PTPRG: variants seen among roughly 807,000 people sequenced by gnomAD.
PTPRG encodes the protein protein tyrosine phosphatase receptor type G, also known as receptor-type tyrosine-protein phosphatase gamma.
A neutral mutation model predicts 165.3 loss-of-function variants in PTPRG; 102 were observed. That is an observed-to-expected ratio of 0.62 (90% CI 0.53 to 0.73). The LOEUF is 0.73. PTPRG is among the 30% of genes least tolerant of loss of function. The pLI, the probability that PTPRG is intolerant of heterozygous loss-of-function variation, is 0.00. For synonymous variants in PTPRG, 675 were observed against 669.5 expected, an observed-to-expected ratio of 1.01 and a Z score of -0.13; for missense variants, 1,866 against 1,861.4, an observed-to-expected ratio of 1.00 and a Z score of -0.05.
intron 17 of PTPRG, among the ~76,000 whole-genome samples, chr3:62,266,838 TGCATCACCTACC>T (rs879464821): frequency 1.0e-3 from 154 of 148,432 alleles, no homozygotes; most frequent in Non-Finnish European, 1.7e-3. Flanking sequence ...ACACATGTCA[TGCATCACCTACC>T]CCCAACTTTT....
At chr3:61,872,121 T>C (rs1559660886) in intron 2 of PTPRG, among the ~76,000 whole-genome samples, 1 of 152,226 alleles carries the variant, frequency 6.6e-6, no homozygotes, top group Non-Finnish European at 1.5e-5. Context: ...TGGAAAGGAT[T>C]GGGCCAAATA....
chr3:62,256,508 A>G (rs1489578738), intron 16 of PTPRG, among the ~76,000 whole-genome samples: 3 of 152,208 alleles, frequency 2.0e-5, no homozygotes, highest in African/African-American at 7.2e-5. Context: ...TAATGCTATT[A>G]GATGCTTACT....
At chr3:62,274,111 T>C (rs73840295) in intron 23 of PTPRG, among the ~76,000 whole-genome samples, 2,071 of 152,256 alleles carry the variant, frequency 0.014, 46 homozygotes, top group African/African-American at 0.047. Context: ...CTGGCCATAA[T>C]GACATAGTAC....
chr3:61,804,394 CT>C (rs2035346888), intron 2 of PTPRG, among the ~76,000 whole-genome samples: 1 of 152,176 alleles, frequency 6.6e-6, no homozygotes. Context: ...TAACCAATTT[CT>C]TTGTAAAGGG....
chr3:61,954,666 G>C (rs2039993240), intron 2 of PTPRG, among the ~76,000 whole-genome samples: 2 of 152,282 alleles, frequency 1.3e-5, no homozygotes, highest in South Asian at 4.1e-4. Context: ...AGATTTGTCA[G>C]ACACTGACAC....
At chr3:62,285,136 A>G (rs1339011008) in intron 28 of PTPRG, among the ~76,000 whole-genome samples, 1 of 152,026 alleles carries the variant, frequency 6.6e-6, no homozygotes, top group Non-Finnish European at 1.5e-5. Flanking sequence ...AGCAATGGTA[A>G]TTTATTCATC....
intron 1 of PTPRG, among the ~76,000 whole-genome samples, chr3:61,687,703 C>T (rs976893128): frequency 2.0e-5 from 3 of 152,172 alleles, no homozygotes; most frequent in Admixed American, 6.5e-5. Flanking sequence ...TTTTTATTAA[C>T]ACATTAGACA....
rs11348108 is a variant in PTPRG, at chr3:61,643,763, CAA to C, written c.85+81401_85+81402del. Among the ~76,000 whole-genome samples, 486 of 140,478 alleles carry C rather than the reference CAA, an allele frequency of 3.5e-3. 2 individuals carry two copies. The highest frequency in any genetic ancestry group is 0.011 in the Middle Eastern group (3 of 264). 92.2% of individuals were successfully genotyped at this position (140,478 alleles called of 152,430 possible). On this transcript the variant is annotated intron_variant, in intron 1 of 29. Transcript: ENST00000474889. The stretch of plus-strand genomic sequence containing the variant: ...TGGGTAACAGAATGAGACTCTGTCT[CAA>C]AAAAAAAAACAAAAAAGCACCCACT...
chr3:62,112,054 G>A (rs1309400723), intron 5 of PTPRG, among the ~76,000 whole-genome samples: 1 of 152,080 alleles, frequency 6.6e-6, no homozygotes, highest in Non-Finnish European at 1.5e-5. Flanking sequence ...GGTTGTACCA[G>A]AAACACCATG....
intron 1 of PTPRG, among the ~76,000 whole-genome samples, chr3:61,574,047 CTT>C (rs998883807): frequency 3.0e-4 from 44 of 148,734 alleles, no homozygotes; most frequent in East Asian, 2.2e-3. Context: ...TTTTTCCTCT[CTT>C]GTGGAATAAT....
intron 14 of PTPRG, among the ~76,000 whole-genome samples, chr3:62,235,186 G>T (rs1219902075): frequency 6.6e-6 from 1 of 152,134 alleles, no homozygotes; most frequent in South Asian, 2.1e-4. Context: ...AAATGAGTTG[G>T]ACTATCACAT....
At chr3:61,676,891 GGAGTATTA>G (rs1309563776) in intron 1 of PTPRG, among the ~76,000 whole-genome samples, 7 of 152,088 alleles carry the variant, frequency 4.6e-5, no homozygotes, top group African/African-American at 1.7e-4. Flanking sequence ...ACCTGAGTGA[GGAGTATTA>G]TCTGTCCTGT....
intron 2 of PTPRG, among the ~76,000 whole-genome samples, chr3:61,842,796 A>T (rs1024956869): frequency 6.6e-6 from 1 of 152,172 alleles, no homozygotes; most frequent in Non-Finnish European, 1.5e-5. Flanking sequence ...GGGATGGCAG[A>T]GCTACAAGAC....
At chr3:61,761,696 T>C (rs2033841069) in intron 2 of PTPRG, among the ~76,000 whole-genome samples, 1 of 152,216 alleles carries the variant, frequency 6.6e-6, no homozygotes, top group Non-Finnish European at 1.5e-5. Flanking sequence ...TCTTGAGAGT[T>C]TCCTTGGACA....
At chr3:62,225,244 A>G (rs185036362) in intron 13 of PTPRG, among the ~76,000 whole-genome samples, 22 of 152,360 alleles carry the variant, frequency 1.4e-4, no homozygotes, top group African/African-American at 4.8e-4. Context: ...AGCTGTTTTT[A>G]TGGCAATAAT....
At chr3:61,832,605 T>C (rs67792234) in intron 2 of PTPRG, among the ~76,000 whole-genome samples, 8,119 of 152,244 alleles carry the variant, frequency 0.053, 322 homozygotes, top group East Asian at 0.21. Flanking sequence ...TCTTGTAGGG[T>C]AGGTATCATT....
intron 2 of PTPRG, among the ~76,000 whole-genome samples, chr3:61,776,129 C>A (rs1235174959): frequency 6.6e-6 from 1 of 151,300 alleles, no homozygotes; most frequent in Non-Finnish European, 1.5e-5. Context: ...TAAGTCATTG[C>A]ATTGGTCAGG....
At chr3:61,969,799 T>C (rs2040344732) in intron 2 of PTPRG, among the ~76,000 whole-genome samples, 2 of 152,054 alleles carry the variant, frequency 1.3e-5, no homozygotes, top group Non-Finnish European at 2.9e-5. Flanking sequence ...CAAGACATGA[T>C]AGGGGAGGAG....
Position 61,752,198 on chromosome 3 carries a change from C to A in PTPRG, c.190+3216C>A, listed in dbSNP as rs2033460184. On this transcript the variant is annotated intron_variant, in intron 2 of 29. Coordinates refer to ENST00000474889, the MANE Select transcript of PTPRG (RefSeq NM_002841.4). ...GTTAGATTCTCTCAGCCATAATTCT[C>A]AAGGGGTGCTTAGTTGGGATTTGGG... Among the ~76,000 whole-genome samples the A allele has an allele frequency of 2.0e-5, 3 of 152,260 alleles. No individual in the cohort carries two copies. In the South Asian group the frequency reaches 6.2e-4, roughly 32 times the overall value.
Sources: gnomAD v4.1 joint callset for allele counts (sites outside exome capture counted in the v4.1 genomes callset) on GRCh38, gnomAD v4.1.1 for gene constraint, MANE v1.5 for transcripts, NCBI Gene and HGNC (gene_info 2026-07-23, HGNC 2026-07-21) for gene names.